Variants in FRMD5 observed in about 807,000 individuals in gnomAD.
The protein encoded by FRMD5 is FERM domain-containing protein 5.
In FRMD5, 20 loss-of-function variants were observed where a neutral mutation model predicts 69.0. The observed-to-expected ratio is 0.29, with a 90% confidence interval of 0.20 to 0.42. The LOEUF (loss-of-function observed/expected upper bound fraction) is 0.42, where lower values mean the gene tolerates loss of function less well. Among genes scored for constraint, FRMD5 ranks in the 10% least tolerant of loss-of-function variants. The pLI is 1.00. For missense variants in FRMD5, 595 were observed against 708.6 expected, an observed-to-expected ratio of 0.84 and a Z score of 1.82; for synonymous variants, 271 against 260.1, an observed-to-expected ratio of 1.04 and a Z score of -0.40.
chr15:44,052,393 A>G (rs1189216512), intron 1 of FRMD5, among the ~76,000 whole-genome samples: 2 of 152,162 alleles, frequency 1.3e-5, no homozygotes, highest in East Asian at 3.9e-4. Context: ...TATATTGTAT[A>G]TTTCCTGTCC....
At chr15:43,999,965 T>TATATATGCCATGC (rs1555392743) in intron 1 of FRMD5, among the ~76,000 whole-genome samples, 765 of 74,954 alleles carry the variant, frequency 0.01, 37 homozygotes, top group Middle Eastern at 0.039. Context: ...TATATATATA[T>TATATATGCCATGC]ATATATATAT....
At chr15:43,966,421 A>G (rs900136184) in intron 1 of FRMD5, among the ~76,000 whole-genome samples, 2 of 152,104 alleles carry the variant, frequency 1.3e-5, no homozygotes, top group African/African-American at 4.8e-5. Context: ...ACTGGGCAGG[A>G]TAGGAAAAAA....
At chr15:43,904,427 G>A (rs1247886783) in intron 6 of FRMD5, among the ~76,000 whole-genome samples, 1 of 151,962 alleles carries the variant, frequency 6.6e-6, no homozygotes, top group Admixed American at 6.5e-5. Context: ...GGCATGGAGT[G>A]GTGCAATTCC....
At chr15:43,976,028 G>T in intron 1 of FRMD5, among the ~76,000 whole-genome samples, 1 of 147,740 alleles carries the variant, frequency 6.8e-6, no homozygotes. Flanking sequence ...GCCTTTTAAA[G>T]AAGTGGTGCT....
chr15:44,156,897 T>C (rs2077537490), intron 1 of FRMD5, among the ~76,000 whole-genome samples: 1 of 151,962 alleles, frequency 6.6e-6, no homozygotes, highest in Non-Finnish European at 1.5e-5. Flanking sequence ...AGAGATTTTG[T>C]CCCAAAATAT....
chr15:44,138,446 G>T (rs936941086), intron 1 of FRMD5, among the ~76,000 whole-genome samples: 6 of 152,144 alleles, frequency 3.9e-5, no homozygotes, highest in African/African-American at 1.4e-4. Flanking sequence ...TAGACTGACA[G>T]CAAACACTTC....
chr15:44,027,631 CTTTTCTAGTTTTTTTTT>C, intron 1 of FRMD5, among the ~76,000 whole-genome samples: 1 of 136,446 alleles, frequency 7.3e-6, no homozygotes, highest in Non-Finnish European at 1.5e-5. Context: ...TGCTGACTTT[CTTTTCTAGTTTTTTTTT>C]TTGTTTTTTT....
chr15:44,117,749 T>G (rs1323162002), intron 1 of FRMD5, among the ~76,000 whole-genome samples: 1 of 152,172 alleles, frequency 6.6e-6, no homozygotes. Context: ...CAGAGGAGGT[T>G]GAAGGGAAAG....
chr15:44,189,025 G>T lies in FRMD5; in HGVS notation c.102+5928C>A, dbSNP rs2078149247. On this transcript the variant is annotated intron_variant, in intron 1 of 13. Coordinates refer to ENST00000417257, the MANE Select transcript of FRMD5 (RefSeq NM_032892.5). ...GGAGCTATTGTACACAAACTCAGTG[G>T]TTGCCAAGCATGTGGCCCAATTATT... Among the ~76,000 whole-genome samples, 3 of 152,118 alleles carry T rather than the reference G, an allele frequency of 2.0e-5. No individual in the cohort carries two copies. The South Asian group carries it at 6.2e-4, about 32-fold the overall frequency.
intron 1 of FRMD5, among the ~76,000 whole-genome samples, chr15:43,950,476 G>T (rs1241233195): frequency 1.3e-5 from 2 of 152,166 alleles, no homozygotes; most frequent in Non-Finnish European, 2.9e-5. Flanking sequence ...TGATTCTATA[G>T]TCTCTCTTCA....
At chr15:44,120,264 G>C (rs1423786727) in intron 1 of FRMD5, among the ~76,000 whole-genome samples, 4 of 152,158 alleles carry the variant, frequency 2.6e-5, no homozygotes, top group African/African-American at 9.7e-5. Flanking sequence ...GAATGAATAG[G>C]AAAGAACTGT....
intron 1 of FRMD5, among the ~76,000 whole-genome samples, chr15:43,996,214 G>T (rs1250057283): frequency 2.0e-5 from 3 of 152,174 alleles, no homozygotes. Context: ...TGGAGCCTGG[G>T]GCTGCAGGAT....
chr15:43,901,803 C>T lies in FRMD5; in HGVS notation c.639+372G>A, dbSNP rs929122185. The T allele has an allele frequency of 2.3e-5, 5 of 217,798 alleles. No individual in the cohort carries two copies. In the South Asian group the frequency reaches 2.4e-4, roughly 11 times the overall value. The allele number at this position is 217,798 out of a possible 1,614,324, so 13.5% of individuals were successfully genotyped here. A position where few individuals can be genotyped will look rare whatever the true frequency, so the allele number is the denominator to read the frequency against. On this transcript the variant is annotated intron_variant, in intron 7 of 13. Coordinates refer to ENST00000417257, the MANE Select transcript of FRMD5 (RefSeq NM_032892.5). ...CACTGCAGTCAATAAAACCCACTCT[C>T]GGAAAGAAACTAGATTACAGGTCAG... is the stretch of plus-strand genomic sequence containing the variant.
At position 44,040,048 on chromosome 15, in the gene FRMD5, A is replaced by C. The variant is rs147874961; in HGVS notation, c.103-115739T>G. ...AAGCATATACAAGCATCAATAGCCG[A>C]ATCGATCAAGCAGAAGAAAGGATAT... is the stretch of plus-strand genomic sequence containing the variant. On this transcript the variant is annotated intron_variant, in intron 1 of 13. Transcript: ENST00000417257. Among the ~76,000 whole-genome samples, 737 of 152,092 alleles carry C rather than the reference A, an allele frequency of 4.8e-3. 12 individuals are homozygous for C. Among genetic ancestry groups the C allele is most frequent in the African/African-American group, 0.017 (706 of 41,496 alleles).
chr15:44,191,922 T>TATATATATATATA (rs1279440991), intron 1 of FRMD5, among the ~76,000 whole-genome samples: 4 of 8,926 alleles, frequency 4.5e-4, no homozygotes, highest in Admixed American at 1.9e-3. Context: ...TATATATATA[T>TATATATATATATA]TATATATATA....
chr15:43,977,120 C>A (rs1247527507), intron 1 of FRMD5, among the ~76,000 whole-genome samples: 1 of 152,016 alleles, frequency 6.6e-6, no homozygotes, highest in Admixed American at 6.6e-5. Flanking sequence ...AGGTGTGAGC[C>A]ACTGTGCCCA....
chr15:44,189,119 C>T (rs2078151644), intron 1 of FRMD5, among the ~76,000 whole-genome samples: 1 of 152,128 alleles, frequency 6.6e-6, no homozygotes, highest in Non-Finnish European at 1.5e-5. Context: ...TGTGTTTAGT[C>T]TAACGGTAGC....
At chr15:43,997,888 T>C (rs1474029438) in intron 1 of FRMD5, among the ~76,000 whole-genome samples, 1 of 152,154 alleles carries the variant, frequency 6.6e-6, no homozygotes, top group Non-Finnish European at 1.5e-5. Context: ...TCAATGTTCA[T>C]GACATTGAGA....
At chr15:43,958,252 G>A in intron 1 of FRMD5, among the ~76,000 whole-genome samples, 1 of 151,986 alleles carries the variant, frequency 6.6e-6, no homozygotes, top group East Asian at 1.9e-4. Context: ...CACAGGTGCT[G>A]AATAATGTAC....
Sources: allele counts gnomAD v4.1 joint callset (sites outside exome capture counted in the v4.1 genomes callset), GRCh38; gene constraint gnomAD v4.1.1; transcripts MANE v1.5; gene names NCBI Gene and HGNC (gene_info 2026-07-23, HGNC 2026-07-21).